TEAD3: variants seen among roughly 807,000 people sequenced by gnomAD.
TEAD3 encodes the protein TEA domain transcription factor 3.
TEAD3 carries 15 observed loss-of-function variants against 55.6 expected under a neutral mutation model. The ratio of observed to expected loss-of-function variants is 0.27; its 90% CI spans 0.18 to 0.42. TEAD3 has a LOEUF of 0.42. Among genes scored for constraint, TEAD3 ranks in the 10% least tolerant of loss-of-function variants. TEAD3 has a pLI of 1.00. For synonymous variants in TEAD3, 210 were observed against 232.2 expected, an observed-to-expected ratio of 0.90 and a Z score of 0.87; for missense variants, 407 against 576.8, an observed-to-expected ratio of 0.71 and a Z score of 3.01.
rs577756855 is a variant in TEAD3 at position 35,487,809 on chromosome 6, T to C, written c.-49-1098A>G. On this transcript the variant is annotated intron_variant, in intron 1 of 12. Transcript: ENST00000639578. ...AGGGAAGGTAGGGAATAAAGCCCAT[T>C]ATCCAGAGATGAAAACTAAGGCTCA... 5.8e-4 allele frequency among the ~76,000 whole-genome samples: 88 copies of C among 152,238 alleles called. 1 individual carries two copies. The highest frequency in any genetic ancestry group is 1.7e-3 in the African/African-American group (71 of 41,546).
chr6:35,476,484 T>A, intron 8 of TEAD3, 49 bp from the exon 9 acceptor site: 1 of 1,600,608 alleles, frequency 6.2e-7, no homozygotes, highest in Non-Finnish European at 8.5e-7. Context: ...TGCAGGTGCT[T>A]ACTGACAAAG....
At chr6:35,478,515 C>T in exon 6 of TEAD3, 1 of 1,609,512 alleles carries the variant, frequency 6.2e-7, no homozygotes, top group South Asian at 1.1e-5. Context: ...CAGAGACGAT[C>T]TGGGCAGAGG....
At chr6:35,492,966 T>C (rs2150918490) in intron 1 of TEAD3, among the ~76,000 whole-genome samples, 1 of 152,184 alleles carries the variant, frequency 6.6e-6, no homozygotes, top group Middle Eastern at 3.4e-3. Flanking sequence ...TCACTGGGTT[T>C]CTCAGTTCTC....
chr6:35,492,614 C>G (rs1390064148), intron 1 of TEAD3, among the ~76,000 whole-genome samples: 1 of 136,582 alleles, frequency 7.3e-6, no homozygotes. Flanking sequence ...CCCCACCCCC[C>G]GCCCTGCTTA....
rs1407621117 is a variant in TEAD3, at chr6:35,496,108, G to A, written c.-50+790C>T. On this transcript the variant is annotated intron_variant, in intron 1 of 12. Transcript: ENST00000639578. This position sits in a 1 kb window ranked among gnomAD's most constrained non-coding sequence, Gnocchi z 4.8. The stretch of plus-strand genomic sequence containing the variant: ...CTCCCTCCCCTAGCAGGAATAAAGG[G>A]CATGACAGACAATGGTGGGGACCGG... Among the ~76,000 whole-genome samples, 1 of 152,218 alleles carries A rather than the reference G, an allele frequency of 6.6e-6. No individual in the cohort carries two copies. Among genetic ancestry groups the A allele is most frequent in the African/African-American group, 2.4e-5 (1 of 41,456 alleles).
intron 3 of TEAD3, among the ~76,000 whole-genome samples, chr6:35,481,967 T>C (rs1768275260): frequency 6.6e-6 from 1 of 152,224 alleles, no homozygotes; most frequent in Non-Finnish European, 1.5e-5. Flanking sequence ...AACCTAAAAC[T>C]GCATTTCTTT....
At position 35,484,042 on chromosome 6, in the gene TEAD3, A is replaced by G. The variant is rs975709194; in HGVS notation, c.267+518T>C. 3.9e-5 allele frequency among the ~76,000 whole-genome samples: 6 copies of G among 151,998 alleles called. No homozygotes were observed. The highest frequency in any genetic ancestry group is 2.0e-4 in the Admixed American group (3 of 15,270). On this transcript the variant is annotated intron_variant, in intron 3 of 12. Coordinates refer to ENST00000639578, the Ensembl canonical transcript of TEAD3. The surrounding 1 kb of genome is among the most constrained non-coding windows in gnomAD (Gnocchi z 5.8). ...CCTTTTCTCTGCCTTGCGAACTCCC[A>G]TTCCTTCTTAAAAATATATCCCGAG...
intron 3 of TEAD3, 30 bp downstream of exon 4, chr6:35,480,282 C>G (rs1291637816): frequency 6.2e-7 from 1 of 1,610,820 alleles, no homozygotes; most frequent in South Asian, 1.1e-5. Context: ...CCCAGGAGGG[C>G]TGAAGGCCCC....
Position 35,486,361 on chromosome 6 carries a change from G to A in TEAD3, c.202+100C>T. 1 of 1,395,034 alleles carries A rather than the reference G, an allele frequency of 7.2e-7. No homozygotes were observed. Among genetic ancestry groups the A allele is most frequent in the Non-Finnish European group, 9.7e-7 (1 of 1,033,914 alleles). 86.4% of individuals were successfully genotyped at this position (1,395,034 alleles called of 1,614,324 possible). A position where few individuals can be genotyped will look rare whatever the true frequency, so the allele number is the denominator to read the frequency against. ...AGGCTTGCGCGCCCAGACTCGCCCG[G>A]CCAGCGGCTGGCGGCCTCCGACGTC... On this transcript the variant is annotated intron_variant, in intron 2 of 12. Coordinates refer to ENST00000639578, the Ensembl canonical transcript of TEAD3. This position sits in a 1 kb window ranked among gnomAD's most constrained non-coding sequence, Gnocchi z 7.3.
chr6:35,488,886 T>C lies in TEAD3; in HGVS notation c.-49-2175A>G, dbSNP rs1019363838. Reference sequence around the variant, plus strand: ...CCCTCAGCATGGTGGCACGCACCTGTAGCTGGGATTACAGGCGCATGCCAC... The same window carrying C: ...CCCTCAGCATGGTGGCACGCACCTGCAGCTGGGATTACAGGCGCATGCCAC... On this transcript the variant is annotated intron_variant, in intron 1 of 12. Coordinates refer to ENST00000639578, the Ensembl canonical transcript of TEAD3. The surrounding 1 kb of genome is among the most constrained non-coding windows in gnomAD (Gnocchi z 4.2). Among the ~76,000 whole-genome samples, 3 of 152,034 alleles carry C rather than the reference T, an allele frequency of 2.0e-5. No individual in the cohort carries two copies. The highest frequency in any genetic ancestry group is 7.2e-5 in the African/African-American group (3 of 41,416).
rs1768410327 is a variant in TEAD3, at chr6:35,487,450, G to T, written c.-49-739C>A. Among the ~76,000 whole-genome samples the T allele has an allele frequency of 2.0e-5, 3 of 151,386 alleles. 1 individual carries two copies. Among genetic ancestry groups the T allele is most frequent in the South Asian group, 4.2e-4 (2 of 4,808 alleles). On this transcript the variant is annotated intron_variant, in intron 1 of 12. Transcript: ENST00000639578. The stretch of plus-strand genomic sequence containing the variant: ...ACTTGTAATCCCAGCTACTCAGGAG[G>T]CTGAAGCAGGAGAATCGCTTCAACC...
chr6:35,489,346 G>C (rs996222313), intron 1 of TEAD3, among the ~76,000 whole-genome samples: 3 of 152,170 alleles, frequency 2.0e-5, no homozygotes, highest in African/African-American at 4.8e-5. Context: ...GCTGGGTTCT[G>C]AACCCAGGTA....
Position 35,486,574 on chromosome 6 carries a change from T to TCGTTGTCCAGCC in TEAD3, c.77_88dup (p.Gly26_Asn29dup). 1 of 1,613,570 alleles carries TCGTTGTCCAGCC rather than the reference T, an allele frequency of 6.2e-7. No individual in the cohort carries two copies. The highest frequency in any genetic ancestry group is 8.5e-7 in the Non-Finnish European group (1 of 1,179,784). On this transcript the variant is annotated inframe_insertion, in exon 2 of 13. Transcript: ENST00000639578. The surrounding 1 kb of genome is among the most constrained non-coding windows in gnomAD (Gnocchi z 7.3). The stretch of plus-strand genomic sequence containing the variant: ...GTCCGGGCTCCACACGCCCTCCGCA[T>TCGTTGTCCAGCC]CGTTGTCCAGCCCCTTGTCCAGGCC...
chr6:35,492,547 A>G (rs1581730622), intron 1 of TEAD3, among the ~76,000 whole-genome samples: 1 of 152,210 alleles, frequency 6.6e-6, no homozygotes, highest in African/African-American at 2.4e-5. Context: ...CAATTTTTAC[A>G]GGAGGAAGCA....
Position 35,486,575 on chromosome 6 carries a change from C to G in TEAD3, c.88G>C (p.Asp30His). ...TCCGGGCTCCACACGCCCTCCGCAT[C>G]GTTGTCCAGCCCCTTGTCCAGGCCC... The change falls in exon 2 of 13, where the codon GAT becomes CAT. Residue 30 changes from aspartate (D) to histidine (H), a missense_variant. Asp to His is a moderately conservative substitution (Grantham distance 81). Coordinates refer to ENST00000639578, the Ensembl canonical transcript of TEAD3. This position sits in a 1 kb window ranked among gnomAD's most constrained non-coding sequence, Gnocchi z 7.3. 1 of 1,613,574 alleles carries G rather than the reference C, an allele frequency of 6.2e-7. No individual in the cohort carries two copies. Among genetic ancestry groups the G allele is most frequent in the Non-Finnish European group, 8.5e-7 (1 of 1,179,784 alleles).
intron 4 of TEAD3, among the ~76,000 whole-genome samples, 187 bp from the exon 5 acceptor site, chr6:35,479,503 A>T (rs370639178): frequency 2.0e-5 from 3 of 152,216 alleles, no homozygotes; most frequent in African/African-American, 7.2e-5. Flanking sequence ...CAAGCCCTGG[A>T]AAGGGCAGAG....
intron 7 of TEAD3, among the ~76,000 whole-genome samples, chr6:35,477,785 G>A (rs938446939): frequency 5.4e-5 from 8 of 149,024 alleles, no homozygotes; most frequent in African/African-American, 9.7e-5. Flanking sequence ...ATGCTGATGA[G>A]AGAATGCATA....
At position 35,486,567 on chromosome 6, in the gene TEAD3, C is replaced by T; in HGVS notation, c.96G>A (p.Glu32=). The T allele has an allele frequency of 6.2e-7, 1 of 1,613,628 alleles. No individual in the cohort carries two copies. The highest frequency in any genetic ancestry group is 8.5e-7 in the Non-Finnish European group (1 of 1,179,794). Residue 32 remains glutamate (E), a synonymous_variant, in exon 2 of 13, where the codon GAG becomes GAA. Transcript: ENST00000639578. This position sits in a 1 kb window ranked among gnomAD's most constrained non-coding sequence, Gnocchi z 7.3. ...GCTCGATGTCCGGGCTCCACACGCC[C>T]TCCGCATCGTTGTCCAGCCCCTTGT...
At chr6:35,476,248 G>C in intron 9 of TEAD3, 54 bp downstream of exon 9, 1 of 1,581,808 alleles carries the variant, frequency 6.3e-7, no homozygotes, top group South Asian at 1.1e-5. Context: ...TGGATCACCC[G>C]GCCGGCCTCT....
Sources: gnomAD v4.1 joint callset for allele counts (sites outside exome capture counted in the v4.1 genomes callset) on GRCh38, gnomAD v4.1.1 for gene constraint, Gnocchi (gnomAD v3.1) non-coding constraint, MANE v1.5 for transcripts, NCBI Gene and HGNC (gene_info 2026-07-23, HGNC 2026-07-21) for gene names.